The following CNTNAP2 variants were observed in gnomAD, a reference collection of about 807,000 sequenced individuals.
CNTNAP2 encodes contactin associated protein 2, also known as contactin-associated protein-like 2.
A neutral mutation model predicts 155.2 loss-of-function variants in CNTNAP2; 98 were observed. That is an observed-to-expected ratio of 0.63 (90% confidence interval 0.54 to 0.75). The LOEUF (loss-of-function observed/expected upper bound fraction) is 0.75, where lower values mean the gene tolerates loss of function less well. Ranked by LOEUF, CNTNAP2 falls within the 30% of genes least tolerant of loss-of-function variation. CNTNAP2 has a pLI of 0.00. For missense variants in CNTNAP2, 1,727 were observed against 1,688.1 expected, an observed-to-expected ratio of 1.02 and a Z score of -0.40; for synonymous variants, 651 against 631.2, an observed-to-expected ratio of 1.03 and a Z score of -0.47.
At chr7:147,568,585 T>A (rs1048837245) in intron 12 of CNTNAP2, among the ~76,000 whole-genome samples, 1 of 152,172 alleles carries the variant, frequency 6.6e-6, no homozygotes, top group Non-Finnish European at 1.5e-5. Flanking sequence ...ATGTGATCAT[T>A]GTTAGCCTCG....
At chr7:146,232,529 G>A (rs1799403038) in intron 1 of CNTNAP2, among the ~76,000 whole-genome samples, 1 of 152,078 alleles carries the variant, frequency 6.6e-6, no homozygotes, top group Non-Finnish European at 1.5e-5. Context: ...CATTTGGAGT[G>A]AGACTAGGTA....
chr7:146,338,845 CA>C (rs1391453586), intron 1 of CNTNAP2, among the ~76,000 whole-genome samples: 1 of 151,666 alleles, frequency 6.6e-6, no homozygotes, highest in African/African-American at 2.4e-5. Flanking sequence ...TCATAGTAAC[CA>C]CAAGCAAAAT....
At chr7:148,085,715 C>T (rs1168310945) in intron 15 of CNTNAP2, among the ~76,000 whole-genome samples, 2 of 151,952 alleles carry the variant, frequency 1.3e-5, no homozygotes, top group Non-Finnish European at 2.9e-5. Flanking sequence ...TTCCTTCCTT[C>T]CTTCCTTCCC....
chr7:148,300,345 A>C (rs1797361078), intron 21 of CNTNAP2, among the ~76,000 whole-genome samples: 1 of 152,206 alleles, frequency 6.6e-6, no homozygotes, highest in African/African-American at 2.4e-5. Context: ...AGATAAATAC[A>C]TGTGTAAAAA....
At chr7:148,300,521 C>T (rs1563032092) in intron 21 of CNTNAP2, among the ~76,000 whole-genome samples, 1 of 140,310 alleles carries the variant, frequency 7.1e-6, no homozygotes, top group African/African-American at 2.7e-5. Context: ...ATAATCATAA[C>T]AATTTTTTTT....
intron 9 of CNTNAP2, among the ~76,000 whole-genome samples, chr7:147,352,900 T>G (rs1795990651): frequency 6.6e-6 from 1 of 152,008 alleles, no homozygotes; most frequent in South Asian, 2.1e-4. Context: ...AATATTAGTT[T>G]ATGAATCTGA....
At chr7:148,189,844 T>A (rs1462438478) in intron 18 of CNTNAP2, 1 of 152,128 alleles carries the variant, frequency 6.6e-6, no homozygotes, top group Non-Finnish European at 1.5e-5. Context: ...CAGCTAAAAA[T>A]TTCTATATGA....
chr7:147,928,818 C>T (rs1011454434), intron 14 of CNTNAP2, among the ~76,000 whole-genome samples: 7 of 151,866 alleles, frequency 4.6e-5, no homozygotes, highest in African/African-American at 7.3e-5. Context: ...CGGCCGGGTG[C>T]GGTGGCTCAC....
chr7:147,598,154 CCTTT>C (rs921982443), intron 12 of CNTNAP2, among the ~76,000 whole-genome samples: 20 of 129,624 alleles, frequency 1.5e-4, no homozygotes, highest in Non-Finnish European at 2.5e-4. Flanking sequence ...GTAATTACAG[CCTTT>C]CTTTCTTTCT....
At chr7:146,600,703 T>G in intron 1 of CNTNAP2, among the ~76,000 whole-genome samples, 1 of 152,294 alleles carries the variant, frequency 6.6e-6, no homozygotes, top group East Asian at 1.9e-4. Flanking sequence ...ATATAATTTT[T>G]ACTTATCCTT....
rs548220734 is a variant in CNTNAP2, at chr7:147,237,049, C to CTTTTTTTTTTTTTTTTTTTT, written c.1349-63075_1349-63056dup. ...CCACTTCCTTTAGCCTTCACCTCCT[C>CTTTTTTTTTTTTTTTTTTTT]TTTTTTTTTTTTTTTTTTTTTTTTT... On this transcript the variant is annotated intron_variant, in intron 8 of 23. Coordinates refer to ENST00000361727, the MANE Select transcript of CNTNAP2 (RefSeq NM_014141.6). Among the ~76,000 whole-genome samples the CTTTTTTTTTTTTTTTTTTTT allele has an allele frequency of 1.2e-3, 69 of 57,474 alleles. 9 individuals are homozygous for CTTTTTTTTTTTTTTTTTTTT. Among genetic ancestry groups the CTTTTTTTTTTTTTTTTTTTT allele is most frequent in the Non-Finnish European group, 1.9e-3 (55 of 29,590 alleles). The allele number at this position is 57,474 out of a possible 152,430, so 37.7% of individuals were successfully genotyped here. A position where few individuals can be genotyped will look rare whatever the true frequency, so the allele number is the denominator to read the frequency against.
chr7:146,193,836 T>C (rs1339707972), intron 1 of CNTNAP2, among the ~76,000 whole-genome samples: 1 of 152,202 alleles, frequency 6.6e-6, no homozygotes, highest in East Asian at 1.9e-4. Context: ...TTTTATGCTC[T>C]GCTTCCTCTT....
At chr7:148,002,692 T>A (rs1410608886) in intron 15 of CNTNAP2, among the ~76,000 whole-genome samples, 2 of 152,152 alleles carry the variant, frequency 1.3e-5, no homozygotes, top group Non-Finnish European at 2.9e-5. Context: ...ATCTTTAAAT[T>A]CTCACAGTCA....
chr7:146,232,141 GTTGA>G (rs1350052699), intron 1 of CNTNAP2, among the ~76,000 whole-genome samples: 1 of 150,500 alleles, frequency 6.6e-6, no homozygotes, highest in Non-Finnish European at 1.5e-5. Flanking sequence ...TTAAATCTGA[GTTGA>G]TTAACAAGAT....
At chr7:146,374,989 T>G (rs1174320856) in intron 1 of CNTNAP2, among the ~76,000 whole-genome samples, 1 of 152,196 alleles carries the variant, frequency 6.6e-6, no homozygotes, top group Non-Finnish European at 1.5e-5. Flanking sequence ...TATTAAAGTG[T>G]GATTCAGATA....
chr7:146,292,282 C>A (rs1258064567), intron 1 of CNTNAP2, among the ~76,000 whole-genome samples: 1 of 152,026 alleles, frequency 6.6e-6, no homozygotes, highest in East Asian at 1.9e-4. Flanking sequence ...TGTTTGATTC[C>A]CTGTTCCTGC....
intron 21 of CNTNAP2, among the ~76,000 whole-genome samples, chr7:148,298,072 A>T (rs1163169877): frequency 6.6e-6 from 1 of 152,242 alleles, no homozygotes; most frequent in Non-Finnish European, 1.5e-5. Context: ...CTACAGGAAA[A>T]GAAAAGTAAC....
At chr7:147,639,917 ATAACT>A (rs574409687) in intron 13 of CNTNAP2, among the ~76,000 whole-genome samples, 1 of 152,210 alleles carries the variant, frequency 6.6e-6, no homozygotes, top group Non-Finnish European at 1.5e-5. Flanking sequence ...TATACTGGAA[ATAACT>A]TTACTGCAAC....
At chr7:148,319,755 A>G (rs2116533827) in intron 21 of CNTNAP2, among the ~76,000 whole-genome samples, 1 of 151,056 alleles carries the variant, frequency 6.6e-6, no homozygotes, top group African/African-American at 2.4e-5. Context: ...AGTATCTCCC[A>G]TCACCCCTGA....
Sources: gnomAD v4.1 joint callset for allele counts (sites outside exome capture counted in the v4.1 genomes callset) on GRCh38, gnomAD v4.1.1 for gene constraint, MANE v1.5 for transcripts, NCBI Gene and HGNC (gene_info 2026-07-23, HGNC 2026-07-21) for gene names.